Variants in GJB5 observed in about 807,000 individuals in gnomAD.
GJB5 encodes gap junction beta-5 protein.
For synonymous variants in GJB5, 146 were observed against 145.5 expected, an observed-to-expected ratio of 1.00 and a Z score of -0.02; for missense variants, 333 against 357.9, an observed-to-expected ratio of 0.93 and a Z score of 0.56.
At chr1:34,755,590 C>T (rs1307220516) in intron 1 of GJB5, among the ~76,000 whole-genome samples, 1 of 151,960 alleles carries the variant, frequency 6.6e-6, no homozygotes, top group African/African-American at 2.4e-5. Context: ...CCAACCCCGG[C>T]CCCCACCTCC....
In GJB5 at chr1:34,758,162, T is replaced by C. The variant is rs1639634370; in HGVS notation, c.*10T>C. Reference sequence around the variant, plus strand: ...GAAAACCATCTTGTGAGGGGCTGCCTGGACTGGTCTGGCAGGTTGGGCCTG... The same window carrying C: ...GAAAACCATCTTGTGAGGGGCTGCCCGGACTGGTCTGGCAGGTTGGGCCTG... On this transcript the variant is annotated 3_prime_UTR_variant, in exon 2 of 2. Coordinates refer to ENST00000338513, the MANE Select transcript of GJB5 (RefSeq NM_005268.4). 2 of 1,603,470 alleles carry C rather than the reference T, an allele frequency of 1.2e-6. No individual in the cohort carries two copies. Among genetic ancestry groups the C allele is most frequent in the Admixed American group, 1.7e-5 (1 of 59,784 alleles).
At chr1:34,756,770 G>T (rs1479792864) in intron 1 of GJB5, among the ~76,000 whole-genome samples, 1 of 152,226 alleles carries the variant, frequency 6.6e-6, no homozygotes, top group Non-Finnish European at 1.5e-5. Context: ...AGACCAGATG[G>T]GGGCTTGGGG....
chr1:34,755,918 AT>A (rs992295630), intron 1 of GJB5, among the ~76,000 whole-genome samples: 2 of 152,230 alleles, frequency 1.3e-5, no homozygotes, highest in African/African-American at 4.8e-5. Flanking sequence ...AATAAAAAAT[AT>A]GCCCTTTCCT....
In GJB5 at chr1:34,757,505, G is replaced by T. The variant is rs562359686; in HGVS notation, c.175G>T (p.Gly59Cys). Reference protein sequence around the residue: ...KDFDCNTRQPGCSNVCFDEFF... With the variant: ...KDFDCNTRQPCCSNVCFDEFF... ...CTTCGACTGCAATACTCGCCAGCCC[G>T]GCTGCTCCAACGTCTGCTTTGATGA... The change falls in exon 2 of 2, where the codon GGC becomes TGC. Residue 59 changes from glycine (G) to cysteine (C), a missense_variant. Transcript: ENST00000338513. 6.2e-7 allele frequency: 1 copy of T among 1,614,126 alleles called. No homozygotes were observed. Among genetic ancestry groups the T allele is most frequent in the Admixed American group, 1.7e-5 (1 of 60,022 alleles).
chr1:34,756,917 C>G (rs147624151), intron 1 of GJB5, among the ~76,000 whole-genome samples: 299 of 152,306 alleles, frequency 2.0e-3, no homozygotes, highest in Middle Eastern at 3.4e-3. Context: ...GCTCAGCCCC[C>G]CTGAGGAGGA....
rs1557650293 is a variant in GJB5 at position 34,757,725 on chromosome 1, T to C, written c.395T>C (p.Val132Ala). The change falls in exon 2 of 2, where the codon GTC becomes GCC. Residue 132 changes from valine to alanine, a missense_variant. Val to Ala is a moderately conservative substitution (Grantham distance 64). Coordinates refer to ENST00000338513, the MANE Select transcript of GJB5 (RefSeq NM_005268.4). ...CGGGGTGGGCTCTGGTGGACATATG[T>C]CTGCAGCCTAGTGTTCAAGGCGAGC... ...KKRGGLWWTY[V>A]CSLVFKASVD... is the part of the protein sequence containing the mutation. 6.2e-7 allele frequency: 1 copy of C among 1,614,002 alleles called. No individual in the cohort carries two copies.
chr1:34,757,301 C>G lies in GJB5; in HGVS notation c.-24-6C>G, dbSNP rs1221586439. 1 of 1,447,110 alleles carries G rather than the reference C, an allele frequency of 6.9e-7. No individual in the cohort carries two copies. The highest frequency in any genetic ancestry group is 9.7e-7 in the Non-Finnish European group (1 of 1,033,992). The allele number at this position is 1,447,110 out of a possible 1,614,324, so 89.6% of individuals were successfully genotyped here. On this transcript the variant is annotated splice_region_variant and splice_polypyrimidine_tract_variant and intron_variant, in intron 1 of 1. Transcript: ENST00000338513. ...GTAGGAAATGATTGTTCTTGTTTCC[C>G]TGCAGTAGCAGCTGACGCGTGGGTC...
Position 34,757,321 on chromosome 1 carries a change from TGG to T in GJB5, c.-8_-7del, listed in dbSNP as rs1351674612. 6.3e-7 allele frequency: 1 copy of T among 1,587,572 alleles called. No individual in the cohort carries two copies. Among genetic ancestry groups the T allele is most frequent in the East Asian group, 2.2e-5 (1 of 44,536 alleles). On this transcript the variant is annotated 5_prime_UTR_variant, in exon 2 of 2. Coordinates refer to ENST00000338513, the MANE Select transcript of GJB5 (RefSeq NM_005268.4). ...TTTCCCTGCAGTAGCAGCTGACGCG[TGG>T]GTCCACCATGAACTGGAGTATCTTT...
chr1:34,757,317 C>A lies in GJB5; in HGVS notation c.-14C>A. On this transcript the variant is annotated 5_prime_UTR_variant, in exon 2 of 2. Transcript: ENST00000338513. ...CTTGTTTCCCTGCAGTAGCAGCTGACGCGTGGGTCCACCATGAACTGGAGT... is the reference window on the plus strand; with the variant it reads ...CTTGTTTCCCTGCAGTAGCAGCTGAAGCGTGGGTCCACCATGAACTGGAGT... 1 of 1,566,590 alleles carries A rather than the reference C, an allele frequency of 6.4e-7. No homozygotes were observed. Among genetic ancestry groups the A allele is most frequent in the Non-Finnish European group, 8.8e-7 (1 of 1,138,218 alleles).
chr1:34,756,513 C>G (rs192282944), intron 1 of GJB5, among the ~76,000 whole-genome samples: 12 of 152,314 alleles, frequency 7.9e-5, no homozygotes, highest in Non-Finnish European at 1.5e-4. Context: ...CAAAAGAACC[C>G]TATTTAACTT....
At position 34,758,299 on chromosome 1, in the gene GJB5, A is replaced by G; in HGVS notation, c.*147A>G. Reference sequence around the variant, plus strand: ...TCAGACGCTCTGGGAGCCAGTTCCTAGTCCTCAACTCCAGCCACCTGCCCC... The same window carrying G: ...TCAGACGCTCTGGGAGCCAGTTCCTGGTCCTCAACTCCAGCCACCTGCCCC... On this transcript the variant is annotated 3_prime_UTR_variant, in exon 2 of 2. Coordinates refer to ENST00000338513, the MANE Select transcript of GJB5 (RefSeq NM_005268.4). 2 of 650,938 alleles carry G rather than the reference A, an allele frequency of 3.1e-6. No individual in the cohort carries two copies. The highest frequency in any genetic ancestry group is 3.9e-5 in the South Asian group (2 of 51,250). The allele number at this position is 650,938 out of a possible 1,614,324, so 40.3% of individuals were successfully genotyped here.
Position 34,758,261 on chromosome 1 carries a change from C to A in GJB5, c.*109C>A, listed in dbSNP as rs753408044. 2.9e-5 allele frequency: 24 copies of A among 818,346 alleles called. No homozygotes were observed. The highest frequency in any genetic ancestry group is 2.7e-4 in the Middle Eastern group (1 of 3,650). The allele number at this position is 818,346 out of a possible 1,614,324, so 50.7% of individuals were successfully genotyped here. ...AGCTAAGCCATGAGGTAGGGGCAGG[C>A]AAGAGAGAGGATTCAGACGCTCTGG... On this transcript the variant is annotated 3_prime_UTR_variant, in exon 2 of 2. Transcript: ENST00000338513.
rs199889035 is a variant in GJB5, at chr1:34,757,296, T to C, written c.-24-11T>C. 1.2e-4 allele frequency: 163 copies of C among 1,396,678 alleles called. No individual in the cohort carries two copies. The highest frequency in any genetic ancestry group is 1.6e-4 in the Non-Finnish European group (157 of 990,376). 86.5% of individuals were successfully genotyped at this position (1,396,678 alleles called of 1,614,324 possible). ...TAAATGTAGGAAATGATTGTTCTTGTTTCCCTGCAGTAGCAGCTGACGCGT... is the reference window on the plus strand; with the variant it reads ...TAAATGTAGGAAATGATTGTTCTTGCTTCCCTGCAGTAGCAGCTGACGCGT... On this transcript the variant is annotated splice_polypyrimidine_tract_variant and intron_variant, in intron 1 of 1. Transcript: ENST00000338513.
At chr1:34,756,310 A>T (rs758225774) in intron 1 of GJB5, among the ~76,000 whole-genome samples, 48 of 152,310 alleles carry the variant, frequency 3.2e-4, no homozygotes, top group Admixed American at 2.3e-3. Context: ...CTGTGAGTTC[A>T]TCAGGCCAAA....
rs779044570 is a variant in GJB5 at position 34,757,708 on chromosome 1, G to C, written c.378G>C (p.Gly126=). ...LYLNPGKKRG[G]LWWTYVCSLV... ...TGAACCCCGGCAAGAAGCGGGGTGG[G>C]CTCTGGTGGACATATGTCTGCAGCC... The change falls in exon 2 of 2, where the codon GGG becomes GGC. Residue 126 remains glycine (G), a synonymous_variant. Coordinates refer to ENST00000338513, the MANE Select transcript of GJB5 (RefSeq NM_005268.4). 1 of 1,613,834 alleles carries C rather than the reference G, an allele frequency of 6.2e-7. No homozygotes were observed. The highest frequency in any genetic ancestry group is 1.3e-5 in the African/African-American group (1 of 74,860).
At position 34,757,546 on chromosome 1, in the gene GJB5, C is replaced by T; in HGVS notation, c.216C>T (p.Ser72=). Residue 72 remains serine, a synonymous_variant, in exon 2 of 2, where the codon TCC becomes TCT. Transcript: ENST00000338513. The part of the protein sequence containing the change: ...NVCFDEFFPV[S]HVRLWALQLI... The stretch of plus-strand genomic sequence containing the variant: ...GCTTTGATGAGTTCTTCCCTGTGTC[C>T]CATGTGCGCCTCTGGGCCCTGCAGC... 6.2e-7 allele frequency: 1 copy of T among 1,614,152 alleles called. No individual in the cohort carries two copies. Among genetic ancestry groups the T allele is most frequent in the Non-Finnish European group, 8.5e-7 (1 of 1,180,030 alleles).
chr1:34,757,318 G>T lies in GJB5; in HGVS notation c.-13G>T. The T allele has an allele frequency of 6.4e-7, 1 of 1,574,102 alleles. No individual in the cohort carries two copies. Among genetic ancestry groups the T allele is most frequent in the Non-Finnish European group, 8.7e-7 (1 of 1,144,790 alleles). On this transcript the variant is annotated 5_prime_UTR_variant, in exon 2 of 2. Transcript: ENST00000338513. ...TTGTTTCCCTGCAGTAGCAGCTGACGCGTGGGTCCACCATGAACTGGAGTA... is the reference window on the plus strand; with the variant it reads ...TTGTTTCCCTGCAGTAGCAGCTGACTCGTGGGTCCACCATGAACTGGAGTA...
In GJB5 at chr1:34,757,492, T is replaced by C; in HGVS notation, c.162T>C (p.Asn54=). The change falls in exon 2 of 2, where the codon AAT becomes AAC. Residue 54 remains asparagine (N), a synonymous_variant. Coordinates refer to ENST00000338513, the MANE Select transcript of GJB5 (RefSeq NM_005268.4). ...ATGACCACAAGGACTTCGACTGCAATACTCGCCAGCCCGGCTGCTCCAACG... is the reference window on the plus strand; with the variant it reads ...ATGACCACAAGGACTTCGACTGCAACACTCGCCAGCCCGGCTGCTCCAACG... ...WSDDHKDFDC[N]TRQPGCSNVC... is the part of the protein sequence containing the mutation. 6.2e-7 allele frequency: 1 copy of C among 1,614,140 alleles called. No individual in the cohort carries two copies. The highest frequency in any genetic ancestry group is 8.5e-7 in the Non-Finnish European group (1 of 1,180,024).
chr1:34,756,181 T>G (rs890633241), intron 1 of GJB5, among the ~76,000 whole-genome samples: 17 of 152,264 alleles, frequency 1.1e-4, no homozygotes, highest in African/African-American at 4.1e-4. Context: ...CCACAGTGCA[T>G]GGGTCTTAAT....
Sources: allele counts gnomAD v4.1 joint callset (sites outside exome capture counted in the v4.1 genomes callset), GRCh38; gene constraint gnomAD v4.1.1; transcripts MANE v1.5; gene names NCBI Gene and HGNC (gene_info 2026-07-23, HGNC 2026-07-21).